The following MYOF variants were observed in gnomAD, a reference collection of about 807,000 sequenced individuals.
MYOF encodes myoferlin.
MYOF carries 244 observed loss-of-function variants against 284.2 expected under a neutral mutation model. The observed-to-expected ratio is 0.86, with a 90% CI of 0.77 to 0.95. The LOEUF (loss-of-function observed/expected upper bound fraction) is 0.95. Among genes scored for constraint, MYOF ranks in the 40% least tolerant of loss-of-function variants. The probability of loss-of-function intolerance (pLI) is 0.00; values close to 1 mark genes in which losing one functional copy is unlikely to be tolerated. For missense variants in MYOF, 2,496 were observed against 2,560.6 expected (o/e 0.97, Z 0.54); for synonymous variants, 904 against 919.7 (o/e 0.98, Z 0.31).
At chr10:93,405,540 T>C (rs1847515006) in intron 7 of MYOF, among the ~76,000 whole-genome samples, 1 of 152,212 alleles carries the variant, frequency 6.6e-6, no homozygotes, top group South Asian at 2.1e-4. Context: ...GTGATCCTCC[T>C]GGCTTGGCCT....
intron 1 of MYOF, among the ~76,000 whole-genome samples, chr10:93,465,861 C>G (rs982748510): frequency 1.3e-5 from 2 of 152,210 alleles, no homozygotes; most frequent in Non-Finnish European, 2.9e-5. Context: ...TGCATCCCCC[C>G]AGGGAGTTCC....
chr10:93,389,557 T>C (rs1487249185), intron 17 of MYOF, among the ~76,000 whole-genome samples: 2 of 152,236 alleles, frequency 1.3e-5, no homozygotes, highest in Non-Finnish European at 2.9e-5. Flanking sequence ...TTTGTTCTTC[T>C]AAAGTGTCAT....
At chr10:93,330,795 G>C (rs1318617068) in intron 43 of MYOF, among the ~76,000 whole-genome samples, 1 of 152,124 alleles carries the variant, frequency 6.6e-6, no homozygotes, top group Non-Finnish European at 1.5e-5. Context: ...CTTGCACTCT[G>C]GTGTGTGGAC....
chr10:93,320,714 AGTT>A (rs887923281), intron 48 of MYOF, among the ~76,000 whole-genome samples: 2 of 152,114 alleles, frequency 1.3e-5, no homozygotes, highest in Non-Finnish European at 2.9e-5. Context: ...CCCAGAAAGA[AGTT>A]GTTGCTACTG....
In MYOF at chr10:93,454,421, G is replaced by C. The variant is rs184861033; in HGVS notation, c.145-2280C>G. 8.5e-5 allele frequency among the ~76,000 whole-genome samples: 13 copies of C among 152,278 alleles called. No homozygotes were observed. In the East Asian group the frequency reaches 2.5e-3, roughly 29 times the overall value. ...CATCTCTCTCTGCCATTGGTCACGT[G>C]GCTTGATCTCAATCTCAAATTTGAA... On this transcript the variant is annotated intron_variant, in intron 2 of 53. Transcript: ENST00000359263.
intron 5 of MYOF, among the ~76,000 whole-genome samples, chr10:93,422,564 A>G (rs542740099): frequency 1.3e-5 from 2 of 152,342 alleles, no homozygotes; most frequent in East Asian, 3.9e-4. Flanking sequence ...TGGGAGGCCA[A>G]GGTGGGTATT....
intron 2 of MYOF, among the ~76,000 whole-genome samples, chr10:93,456,591 T>A (rs2056748722): frequency 6.6e-6 from 1 of 152,172 alleles, no homozygotes; most frequent in Admixed American, 6.5e-5. Context: ...ATATGCAACA[T>A]AAGTGGACCA....
At chr10:93,476,110 C>T (rs947819386) in intron 1 of MYOF, among the ~76,000 whole-genome samples, 1 of 152,058 alleles carries the variant, frequency 6.6e-6, no homozygotes, top group African/African-American at 2.4e-5. Flanking sequence ...TCAGTTTGAG[C>T]TGATAGGGAT....
chr10:93,425,957 TG>T, intron 5 of MYOF, 113 bp downstream of exon 5: 1 of 1,074,908 alleles, frequency 9.3e-7, no homozygotes. Context: ...CCTGTCTGGG[TG>T]GGCAGGGAGC....
At chr10:93,376,878 C>T (rs1454790024) in intron 22 of MYOF, among the ~76,000 whole-genome samples, 1 of 152,166 alleles carries the variant, frequency 6.6e-6, no homozygotes, top group Non-Finnish European at 1.5e-5. Flanking sequence ...AGTAAAAGGG[C>T]TGTTTCTAAA....
intron 3 of MYOF, among the ~76,000 whole-genome samples, chr10:93,434,089 G>T (rs1296289415): frequency 6.6e-6 from 1 of 152,068 alleles, no homozygotes; most frequent in Non-Finnish European, 1.5e-5. Flanking sequence ...CACACAAGAC[G>T]ATCAACAACT....
intron 27 of MYOF, among the ~76,000 whole-genome samples, chr10:93,362,410 A>G (rs1845120979): frequency 1.3e-5 from 2 of 151,408 alleles, no homozygotes; most frequent in Non-Finnish European, 2.9e-5. Flanking sequence ...ACACTTGGCT[A>G]ATTTTTGTAT....
chr10:93,426,219 C>G (rs111591140), intron 4 of MYOF, 61 bp from the exon 5 acceptor site: 26 of 1,502,730 alleles, frequency 1.7e-5, no homozygotes, highest in Non-Finnish European at 4.5e-6. Context: ...GTTATAGACT[C>G]AATGCAAGTG....
Position 93,468,210 on chromosome 10 carries a change from C to T in MYOF, c.89-11273G>A, listed in dbSNP as rs143442844. On this transcript the variant is annotated intron_variant, in intron 1 of 53. Transcript: ENST00000359263. Reference sequence around the variant, plus strand: ...CTCTGGAGCCACTCAACCTCTCTGGCTTCTGACTAGTATATTTCACATAAT... The same window carrying T: ...CTCTGGAGCCACTCAACCTCTCTGGTTTCTGACTAGTATATTTCACATAAT... Among the ~76,000 whole-genome samples, 353 of 152,360 alleles carry T rather than the reference C, an allele frequency of 2.3e-3. 1 individual carries two copies. The highest frequency in any genetic ancestry group is 8.2e-3 in the African/African-American group (339 of 41,582).
At chr10:93,344,207 C>T (rs1207216482) in intron 37 of MYOF, among the ~76,000 whole-genome samples, 3 of 152,280 alleles carry the variant, frequency 2.0e-5, no homozygotes, top group South Asian at 2.1e-4. Flanking sequence ...AGAAAGTGCT[C>T]AAAAAACAAT....
chr10:93,419,657 T>C (rs774766366), intron 5 of MYOF, among the ~76,000 whole-genome samples: 8 of 152,350 alleles, frequency 5.3e-5, no homozygotes, highest in Non-Finnish European at 7.3e-5. Context: ...TTGTTTCCTA[T>C]ATAACAATTT....
chr10:93,333,863 A>C lies in MYOF; in HGVS notation c.4614T>G (p.Pro1538=). The C allele has an allele frequency of 6.2e-7, 1 of 1,613,916 alleles. No homozygotes were observed. The highest frequency in any genetic ancestry group is 8.5e-7 in the Non-Finnish European group (1 of 1,179,976). The change falls in exon 42 of 54, where the codon CCT becomes CCG. Residue 1538 remains proline, a synonymous_variant. Coordinates refer to ENST00000359263, the MANE Select transcript of MYOF (RefSeq NM_013451.4). ...CAGGTAATTCCCGAAACTGTCTGGG[A>C]GGGGCTGGCACGCTGGGGTCATCCG... ...PLPDDPSVPA[P]PRQFRELPDS...
chr10:93,411,012 T>C (rs1847878188), intron 5 of MYOF, among the ~76,000 whole-genome samples: 1 of 152,218 alleles, frequency 6.6e-6, no homozygotes, highest in Non-Finnish European at 1.5e-5. Flanking sequence ...GTTTCTTCAT[T>C]TGTAAAGAGG....
At chr10:93,347,224 A>G (rs965543763) in intron 37 of MYOF, among the ~76,000 whole-genome samples, 2 of 152,228 alleles carry the variant, frequency 1.3e-5, no homozygotes, top group Non-Finnish European at 2.9e-5. Context: ...TACCTTGAGT[A>G]GGTTTGTAAA....
Sources: gnomAD v4.1 joint callset for allele counts (sites outside exome capture counted in the v4.1 genomes callset) on GRCh38, gnomAD v4.1.1 for gene constraint, MANE v1.5 for transcripts, NCBI Gene and HGNC (gene_info 2026-07-23, HGNC 2026-07-21) for gene names.